TMPRSS11A: variants seen among roughly 807,000 people sequenced by gnomAD.
TMPRSS11A encodes the protein transmembrane serine protease 11A, also known as transmembrane protease serine 11A.
Under a neutral mutation model 58.9 loss-of-function variants are expected in TMPRSS11A, and 53 were observed. That is an observed-to-expected ratio of 0.90 (90% confidence interval 0.72 to 1.13). TMPRSS11A has a LOEUF of 1.13. Ranked by LOEUF, TMPRSS11A falls within the 50% of genes most tolerant of loss-of-function variation. The pLI is 0.00. For missense variants in TMPRSS11A, 493 were observed against 499.3 expected (o/e 0.99, Z 0.12); for synonymous variants, 167 against 169.8 (o/e 0.98, Z 0.13).
chr4:67,914,899 A>G (rs1436320352), intron 8 of TMPRSS11A, among the ~76,000 whole-genome samples, 169 bp from the exon 9 acceptor site: 2 of 152,208 alleles, frequency 1.3e-5, no homozygotes, highest in African/African-American at 4.8e-5. Context: ...GGCACATCTA[A>G]CGATAATTAT....
At chr4:67,938,524 G>T (rs369668556) in intron 3 of TMPRSS11A, among the ~76,000 whole-genome samples, 1 of 152,084 alleles carries the variant, frequency 6.6e-6, no homozygotes, top group African/African-American at 2.4e-5. Flanking sequence ...TTCTTCTAGG[G>T]TTCTTGTATT....
intron 8 of TMPRSS11A, 89 bp from the exon 9 acceptor site, chr4:67,914,819 G>C: frequency 8.6e-7 from 1 of 1,163,152 alleles, no homozygotes; most frequent in Non-Finnish European, 1.2e-6. Context: ...TTTTTTTCAT[G>C]GTAAAATTGT....
rs557705286 is a variant in TMPRSS11A at position 67,914,728 on chromosome 4, C to T, written c.955G>A (p.Glu319Lys). 6.2e-7 allele frequency: 1 copy of T among 1,611,166 alleles called. No homozygotes were observed. Among genetic ancestry groups the T allele is most frequent in the South Asian group, 1.1e-5 (1 of 90,406 alleles). Residue 319 changes from glutamate (E) to lysine (K), a missense_variant and splice_region_variant, in exon 9 of 10, where the codon GAA becomes AAA. By Grantham distance (56) the Glu-to-Lys change is moderately conservative (BLOSUM62 1). Coordinates refer to ENST00000508048, the MANE Select transcript of TMPRSS11A (RefSeq NM_001114387.2). ...TGFGALYYGG[E>K]SQNDLREARV... ...GCTTCTCGGAGATCATTTTGGGATT[C>T]CCCTTAAGGAAAAATAGAGTTATTC... is the stretch of plus-strand genomic sequence containing the variant.
chr4:67,946,519 C>T lies in TMPRSS11A; in HGVS notation c.64G>A (p.Val22Ile), dbSNP rs149115776. Residue 22 changes from valine to isoleucine, a missense_variant, in exon 2 of 10, where the codon GTT (valine) becomes ATT (isoleucine). Val to Ile is a conservative substitution (Grantham distance 29, BLOSUM62 3). Coordinates refer to ENST00000508048, the MANE Select transcript of TMPRSS11A (RefSeq NM_001114387.2). ...ACTGTCAGGGACAACACAATGAGAACGGCAATCATCCATGGCTTCAGATTT... is the reference window on the plus strand; with the variant it reads ...ACTGTCAGGGACAACACAATGAGAATGGCAATCATCCATGGCTTCAGATTT... ...SRNLKPWMIA[V>I]LIVLSLTVVA... 1.2e-4 allele frequency: 195 copies of T among 1,612,518 alleles called. No homozygotes were observed. In the African/African-American group the frequency reaches 1.9e-3, roughly 16 times the overall value.
At chr4:67,943,956 A>G (rs1046892490) in intron 3 of TMPRSS11A, among the ~76,000 whole-genome samples, 1 of 152,162 alleles carries the variant, frequency 6.6e-6, no homozygotes, top group Non-Finnish European at 1.5e-5. Flanking sequence ...TTCTGAGTGG[A>G]ATGATTATAC....
chr4:67,943,624 G>A (rs930993159), intron 3 of TMPRSS11A, among the ~76,000 whole-genome samples: 1 of 152,000 alleles, frequency 6.6e-6, no homozygotes, highest in Non-Finnish European at 1.5e-5. Flanking sequence ...TCAATCTGTA[G>A]ACATTAATTA....
chr4:67,932,260 A>G (rs953864883), intron 3 of TMPRSS11A, among the ~76,000 whole-genome samples, 200 bp from the exon 4 acceptor site: 4 of 152,164 alleles, frequency 2.6e-5, no homozygotes, highest in African/African-American at 7.2e-5. Context: ...ATCCTCTCCA[A>G]GAATTTTGGT....
In TMPRSS11A at chr4:67,919,109, G is replaced by A. The variant is rs541768653; in HGVS notation, c.816C>T (p.Asp272=). The A allele has an allele frequency of 1.2e-6, 2 of 1,614,190 alleles. No homozygotes were observed. Among genetic ancestry groups the A allele is most frequent in the Admixed American group, 1.7e-5 (1 of 60,016 alleles). The change falls in exon 8 of 10, where the codon GAC becomes GAT. Residue 272 remains aspartate (D), a synonymous_variant. Transcript: ENST00000508048. ...EKYRSAAREY[D]IAVVQVSSRV... ...TGGAAGAGACCTGCACAACAGCAAT[G>A]TCGTACTCTCTTGCTGCAGAGCGGT...
In TMPRSS11A at chr4:67,929,915, G is replaced by A; in HGVS notation, c.446C>T (p.Ala149Val). The A allele has an allele frequency of 6.2e-7, 1 of 1,613,188 alleles. No individual in the cohort carries two copies. Among genetic ancestry groups the A allele is most frequent in the East Asian group, 2.2e-5 (1 of 44,866 alleles). ...ILNQKIRNLR[A>V]LPINASSVQV... ...AACTGATGAGGCATTTATTGGCAAG[G>A]CTCTTAAATTCCTTATCTTCTGATT... Residue 149 changes from alanine to valine, a missense_variant, in exon 5 of 10, where the codon GCC becomes GTC. Coordinates refer to ENST00000508048, the MANE Select transcript of TMPRSS11A (RefSeq NM_001114387.2).
intron 5 of TMPRSS11A, among the ~76,000 whole-genome samples, chr4:67,928,021 T>TA (rs1720517296): frequency 6.6e-6 from 1 of 152,154 alleles, no homozygotes; most frequent in Non-Finnish European, 1.5e-5. Flanking sequence ...TTAGTGGAGT[T>TA]AGAATTGGTC....
intron 1 of TMPRSS11A, among the ~76,000 whole-genome samples, chr4:67,947,141 C>T (rs1170273938): frequency 6.6e-6 from 1 of 151,982 alleles, no homozygotes; most frequent in Non-Finnish European, 1.5e-5. Flanking sequence ...AATAAAACAT[C>T]GTGACTTTTT....
intron 4 of TMPRSS11A, among the ~76,000 whole-genome samples, chr4:67,930,557 T>G (rs1423690306): frequency 6.6e-6 from 1 of 152,078 alleles, no homozygotes; most frequent in Non-Finnish European, 1.5e-5. Context: ...GTCTACCAGT[T>G]GGAACATACA....
intron 7 of TMPRSS11A, among the ~76,000 whole-genome samples, chr4:67,919,459 A>G (rs1054300120): frequency 2.6e-5 from 4 of 152,204 alleles, no homozygotes; most frequent in African/African-American, 9.6e-5. Flanking sequence ...ATTGAATTTT[A>G]GAACTGTAAT....
intron 5 of TMPRSS11A, among the ~76,000 whole-genome samples, chr4:67,925,107 T>C (rs761342224): frequency 3.9e-5 from 6 of 152,166 alleles, no homozygotes; most frequent in East Asian, 3.9e-4. Context: ...TAAACTGTTA[T>C]GTGTTTCTTA....
intron 9 of TMPRSS11A, 81 bp from the exon 10 acceptor site, chr4:67,911,584 A>G (rs988809318): frequency 3.4e-5 from 40 of 1,184,296 alleles, no homozygotes; most frequent in Non-Finnish European, 4.3e-5. Flanking sequence ...GATGAATCAC[A>G]TATTTTGTTA....
intron 3 of TMPRSS11A, among the ~76,000 whole-genome samples, chr4:67,943,036 AG>A (rs11323996): frequency 0.54 from 82,176 of 151,852 alleles, 22,970 homozygotes; most frequent in Non-Finnish European, 0.58. Flanking sequence ...ATTTCCTGCA[AG>A]GGGGGAGGGT....
At chr4:67,953,436 A>G (rs1721210928) in intron 1 of TMPRSS11A, among the ~76,000 whole-genome samples, 1 of 152,150 alleles carries the variant, frequency 6.6e-6, no homozygotes, top group African/African-American at 2.4e-5. Context: ...TACTTGTTGA[A>G]TTAGATTGAA....
chr4:67,920,698 G>A (rs1720302800), intron 7 of TMPRSS11A, among the ~76,000 whole-genome samples: 2 of 151,660 alleles, frequency 1.3e-5, no homozygotes, highest in Non-Finnish European at 2.9e-5. Flanking sequence ...GTGTCATGGG[G>A]TTTTGTTGTA....
intron 8 of TMPRSS11A, 134 bp downstream of exon 8, chr4:67,918,839 G>C: frequency 3.9e-6 from 4 of 1,021,252 alleles, no homozygotes; most frequent in Non-Finnish European, 5.7e-6. Flanking sequence ...TTGAATTTCT[G>C]TCACACAAAG....
Sources: gnomAD v4.1 joint callset for allele counts (sites outside exome capture counted in the v4.1 genomes callset) on GRCh38, gnomAD v4.1.1 for gene constraint, MANE v1.5 for transcripts, NCBI Gene and HGNC (gene_info 2026-07-23, HGNC 2026-07-21) for gene names.